The following RNF13 variants were observed in gnomAD, a reference collection of about 807,000 sequenced individuals.
RNF13 encodes E3 ubiquitin-protein ligase RNF13.
In RNF13, 19 loss-of-function variants were observed where a neutral mutation model predicts 37.7. The ratio of observed to expected loss-of-function variants is 0.50; its 90% confidence interval spans 0.35 to 0.74. The LOEUF (loss-of-function observed/expected upper bound fraction) is 0.74, where lower values mean the gene tolerates loss of function less well. Among genes scored for constraint, RNF13 ranks in the 30% least tolerant of loss-of-function variants. The pLI is 0.01. For synonymous variants in RNF13, 144 were observed against 157.8 expected (o/e 0.91, Z 0.65); for missense variants, 375 against 453.0 (o/e 0.83, Z 1.56).
chr3:149,884,337 G>T (rs2108468581), intron 4 of RNF13, among the ~76,000 whole-genome samples: 1 of 151,934 alleles, frequency 6.6e-6, no homozygotes, highest in South Asian at 2.1e-4. Flanking sequence ...TACTATTTTA[G>T]CTGTACTAAT....
chr3:149,813,602 G>C (rs1719127165), intron 1 of RNF13, among the ~76,000 whole-genome samples: 1 of 152,194 alleles, frequency 6.6e-6, no homozygotes, highest in East Asian at 1.9e-4. Context: ...TTGAGTTACC[G>C]GTTTTGCTTC....
Position 149,947,378 on chromosome 3 carries a change from T to C in RNF13, c.701-12678T>C, listed in dbSNP as rs562071674. Among the ~76,000 whole-genome samples, 4 of 152,156 alleles carry C rather than the reference T, an allele frequency of 2.6e-5. No individual in the cohort carries two copies. In the East Asian group the frequency reaches 7.7e-4, roughly 29 times the overall value. On this transcript the variant is annotated intron_variant, in intron 8 of 9. Transcript: ENST00000392894. ...GGGTATTGAAGTCGCCTGTTAGTAT[T>C]GTGTTGCTGCTCATTTCTTCTTTCA... is the stretch of plus-strand genomic sequence containing the variant.
intron 8 of RNF13, among the ~76,000 whole-genome samples, chr3:149,932,896 T>C (rs1050291248): frequency 6.6e-6 from 1 of 152,214 alleles, no homozygotes. Context: ...ACATTTCCCC[T>C]CAATACTGCA....
chr3:149,962,037 T>C lies in RNF13; in HGVS notation c.*933T>C, dbSNP rs1722489955. 6.6e-6 allele frequency: 1 copy of C among 152,660 alleles called. No individual in the cohort carries two copies. Among genetic ancestry groups the C allele is most frequent in the Non-Finnish European group, 1.5e-5 (1 of 68,038 alleles). The allele number at this position is 152,660 out of a possible 1,614,324, so 9.5% of individuals were successfully genotyped here. ...TACATCATTGTAACTATGTAGAAAGTGTAGACTAATGTATAATCAAAATGC... is the reference window on the plus strand; with the variant it reads ...TACATCATTGTAACTATGTAGAAAGCGTAGACTAATGTATAATCAAAATGC... On this transcript the variant is annotated 3_prime_UTR_variant, in exon 10 of 10. Coordinates refer to ENST00000392894, the MANE Select transcript of RNF13 (RefSeq NM_183381.3).
intron 6 of RNF13, among the ~76,000 whole-genome samples, chr3:149,907,655 A>G (rs1031994209): frequency 6.6e-6 from 1 of 152,212 alleles, no homozygotes; most frequent in African/African-American, 2.4e-5. Flanking sequence ...CTCTCTCCTC[A>G]TTAAAATGTG....
At chr3:149,884,596 T>C (rs1434529277) in intron 4 of RNF13, among the ~76,000 whole-genome samples, 1 of 152,152 alleles carries the variant, frequency 6.6e-6, no homozygotes, top group Non-Finnish European at 1.5e-5. Flanking sequence ...TCTACATTTT[T>C]TTTTAGTTTT....
intron 8 of RNF13, among the ~76,000 whole-genome samples, chr3:149,935,249 T>A (rs191447220): frequency 1.3e-3 from 201 of 152,310 alleles, no homozygotes; most frequent in Non-Finnish European, 2.1e-3. Flanking sequence ...ACCCCTTTAC[T>A]TTCAGTCTAT....
At chr3:149,932,025 T>A (rs576247860) in intron 8 of RNF13, among the ~76,000 whole-genome samples, 25 of 152,310 alleles carry the variant, frequency 1.6e-4, no homozygotes, top group East Asian at 7.7e-4. Context: ...GGTTTTTTTT[T>A]ATGGCTGAAT....
At chr3:149,944,316 C>G (rs1559967910) in intron 8 of RNF13, among the ~76,000 whole-genome samples, 1 of 152,120 alleles carries the variant, frequency 6.6e-6, no homozygotes, top group Non-Finnish European at 1.5e-5. Context: ...TATTTATAAT[C>G]CTTTAGCTAT....
chr3:149,899,956 A>G (rs1231567270), intron 5 of RNF13, among the ~76,000 whole-genome samples: 1 of 152,228 alleles, frequency 6.6e-6, no homozygotes, highest in Non-Finnish European at 1.5e-5. Flanking sequence ...GGGCTGGATC[A>G]TTCAAATTGT....
intron 8 of RNF13, among the ~76,000 whole-genome samples, chr3:149,950,589 C>T (rs2108600539): frequency 6.6e-6 from 1 of 152,250 alleles, no homozygotes; most frequent in Non-Finnish European, 1.5e-5. Flanking sequence ...ATCCTCCTGC[C>T]TCAGCCTCCT....
At chr3:149,820,285 C>T (rs1178695299) in intron 1 of RNF13, among the ~76,000 whole-genome samples, 4 of 151,898 alleles carry the variant, frequency 2.6e-5, no homozygotes, top group African/African-American at 9.7e-5. Context: ...CTCCTGGCCC[C>T]AAGCAATCCT....
At chr3:149,873,053 C>T (rs973239100) in intron 4 of RNF13, among the ~76,000 whole-genome samples, 1 of 152,180 alleles carries the variant, frequency 6.6e-6, no homozygotes, top group South Asian at 2.1e-4. Flanking sequence ...AAGTAGTAGA[C>T]TTCCTGCTCC....
intron 1 of RNF13, among the ~76,000 whole-genome samples, chr3:149,824,356 A>T (rs928942360): frequency 6.6e-6 from 1 of 152,240 alleles, no homozygotes; most frequent in Non-Finnish European, 1.5e-5. Flanking sequence ...CGGGTTGGGA[A>T]GATTATCTGT....
intron 4 of RNF13, among the ~76,000 whole-genome samples, chr3:149,885,791 C>T (rs370182345): frequency 4.8e-4 from 73 of 152,224 alleles, no homozygotes; most frequent in African/African-American, 1.6e-3. Context: ...GGGTATTACT[C>T]AAGAAATTTT....
chr3:149,844,723 T>TTAC (rs1722479173), intron 1 of RNF13, among the ~76,000 whole-genome samples: 1 of 152,186 alleles, frequency 6.6e-6, no homozygotes, highest in Admixed American at 6.5e-5. Flanking sequence ...GAAATGTATT[T>TTAC]TACTTAAGAA....
intron 3 of RNF13, among the ~76,000 whole-genome samples, chr3:149,863,183 G>C (rs564459853): frequency 6.6e-6 from 1 of 152,216 alleles, no homozygotes; most frequent in East Asian, 1.9e-4. Flanking sequence ...TAATCAGATT[G>C]ATAAGCAAAT....
At chr3:149,925,930 T>TA (rs1311883650) in intron 8 of RNF13, among the ~76,000 whole-genome samples, 1 of 152,174 alleles carries the variant, frequency 6.6e-6, no homozygotes, top group Non-Finnish European at 1.5e-5. Context: ...TAACTCGTTG[T>TA]TTTACTTTTT....
At chr3:149,945,141 A>T (rs1392281199) in intron 8 of RNF13, among the ~76,000 whole-genome samples, 1 of 152,138 alleles carries the variant, frequency 6.6e-6, no homozygotes, top group East Asian at 1.9e-4. Context: ...ATTATTTCTG[A>T]GGGCTCTGTT....
Sources: gnomAD v4.1 joint callset for allele counts (sites outside exome capture counted in the v4.1 genomes callset) on GRCh38, gnomAD v4.1.1 for gene constraint, MANE v1.5 for transcripts, NCBI Gene and HGNC (gene_info 2026-07-23, HGNC 2026-07-21) for gene names.